Variants in PPHLN1 observed in about 807,000 individuals in gnomAD.
The protein encoded by PPHLN1 is periphilin 1.
Under a neutral mutation model 51.3 loss-of-function variants are expected in PPHLN1, and 29 were observed. The observed-to-expected ratio is 0.57, with a 90% CI of 0.42 to 0.77. PPHLN1 has a LOEUF of 0.77. PPHLN1 is among the 30% of genes least tolerant of loss of function. The probability of loss-of-function intolerance (pLI) is 0.00; values close to 1 mark genes in which losing one functional copy is unlikely to be tolerated. For synonymous variants in PPHLN1, 147 were observed against 147.8 expected (o/e 0.99, Z 0.04); for missense variants, 436 against 438.4 (o/e 0.99, Z 0.05).
At chr12:42,368,418 A>C (rs2075483881) in intron 4 of PPHLN1, among the ~76,000 whole-genome samples, 1 of 152,234 alleles carries the variant, frequency 6.6e-6, no homozygotes, top group Non-Finnish European at 1.5e-5. Flanking sequence ...AAATGAGATA[A>C]CTGATGATGA....
At chr12:42,406,369 C>T (rs11181484) in intron 9 of PPHLN1, among the ~76,000 whole-genome samples, 42,631 of 152,116 alleles carry the variant, frequency 0.28, 7,339 homozygotes, top group Non-Finnish European at 0.38. Context: ...CGTGAGCCAC[C>T]GTGCCCGGCC....
chr12:42,411,561 C>A (rs1030215976), intron 9 of PPHLN1, among the ~76,000 whole-genome samples: 3 of 152,180 alleles, frequency 2.0e-5, no homozygotes, highest in Non-Finnish European at 4.4e-5. Context: ...GAGAAGAAGT[C>A]TGAGATTTTA....
chr12:42,345,662 AAGC>A (rs1358944221), intron 2 of PPHLN1, among the ~76,000 whole-genome samples: 1 of 151,246 alleles, frequency 6.6e-6, no homozygotes, highest in Admixed American at 6.6e-5. Flanking sequence ...TAATAAATAG[AAGC>A]AGTGAAAATT....
At chr12:42,377,523 C>T (rs895025566) in intron 5 of PPHLN1, among the ~76,000 whole-genome samples, 2 of 151,992 alleles carry the variant, frequency 1.3e-5, no homozygotes, top group African/African-American at 2.4e-5. Flanking sequence ...AAGCTGGTCT[C>T]GAGCTCCTGA....
At chr12:42,347,146 C>T (rs2072466458) in intron 2 of PPHLN1, 1 of 152,224 alleles carries the variant, frequency 6.6e-6, no homozygotes, top group Non-Finnish European at 1.5e-5. Flanking sequence ...CAGCTATTGG[C>T]TACTGTTCTC....
chr12:42,398,758 C>G (rs1592721598), intron 8 of PPHLN1, 96 bp from the exon 9 acceptor site: 1 of 1,050,332 alleles, frequency 9.5e-7, no homozygotes, highest in East Asian at 2.6e-5. Context: ...AAATCTAGCA[C>G]TTAATATAAT....
downstream of PPHLN1, chr12:42,445,196 T>C (rs564231843): frequency 1.4e-6 from 1 of 696,190 alleles, no homozygotes; most frequent in South Asian, 1.5e-5. Context: ...CACTGGCTTA[T>C]GGCAATGATC....
intron 9 of PPHLN1, among the ~76,000 whole-genome samples, chr12:42,402,865 T>G (rs1292714762): frequency 6.6e-6 from 1 of 152,212 alleles, no homozygotes; most frequent in Non-Finnish European, 1.5e-5. Context: ...CCATTTTCTC[T>G]TCTTACAGTG....
chr12:42,423,413 T>A (rs2081170162), intron 9 of PPHLN1, among the ~76,000 whole-genome samples: 1 of 152,184 alleles, frequency 6.6e-6, no homozygotes, highest in South Asian at 2.1e-4. Flanking sequence ...AACTGTGCTA[T>A]TTATATTAGT....
rs60131845 is a variant in PPHLN1, at chr12:42,396,615, C to CAAAAAAAAA, written c.769-2214_769-2206dup. ...GCAATGTAGTAAGGTCTTGTCACTA[C>CAAAAAAAAA]AAAAAAAAAAAAAAAAAAAAAAAAA... On this transcript the variant is annotated intron_variant, in intron 8 of 9. Transcript: ENST00000358314. Among the ~76,000 whole-genome samples, 236 of 85,386 alleles carry CAAAAAAAAA rather than the reference C, an allele frequency of 2.8e-3. 23 individuals carry two copies. Among genetic ancestry groups the CAAAAAAAAA allele is most frequent in the East Asian group, 0.01 (24 of 2,320 alleles). The allele number at this position is 85,386 out of a possible 152,430, so 56.0% of individuals were successfully genotyped here. A position where few individuals can be genotyped will look rare whatever the true frequency, so the allele number is the denominator to read the frequency against.
intron 2 of PPHLN1, 37 bp from the exon 3 acceptor site, chr12:42,351,848 T>G: frequency 6.6e-7 from 1 of 1,506,476 alleles, no homozygotes; most frequent in Non-Finnish European, 8.8e-7. Context: ...AATAGAGAAA[T>G]TAGTCATTTG....
At chr12:42,413,524 ATATGTGTGTGTGTG>A (rs1450428936) in intron 9 of PPHLN1, among the ~76,000 whole-genome samples, 20 of 119,012 alleles carry the variant, frequency 1.7e-4, no homozygotes, top group South Asian at 2.8e-4. Flanking sequence ...ATATATATGT[ATATGTGTGTGTGTG>A]TGTGTGTGTG....
chr12:42,390,821 T>G (rs1565914115), intron 7 of PPHLN1, among the ~76,000 whole-genome samples: 1 of 148,930 alleles, frequency 6.7e-6, no homozygotes, highest in Non-Finnish European at 1.5e-5. Flanking sequence ...CCGTGAAGTT[T>G]TTTTTTTTTT....
intron 9 of PPHLN1, among the ~76,000 whole-genome samples, chr12:42,416,847 A>T (rs2708074): frequency 0.96 from 146,767 of 152,278 alleles, 70,987 homozygotes; most frequent in Middle Eastern, 1. Flanking sequence ...CTGAATTTTG[A>T]AGGTAGAATA....
At chr12:42,331,750 G>T (rs748634551) in intron 1 of PPHLN1, 10 of 152,156 alleles carry the variant, frequency 6.6e-5, no homozygotes, top group Non-Finnish European at 1.2e-4. Flanking sequence ...CTATTGTTCT[G>T]TTGATTCTTC....
intron 9 of PPHLN1, chr12:42,433,419 T>G: frequency 2.3e-5 from 7 of 307,936 alleles, no homozygotes; most frequent in African/African-American, 4.5e-5. Context: ...GCCTCCCGGG[T>G]TCATGCCATT....
chr12:42,430,290 C>G (rs1350305086), intron 9 of PPHLN1, among the ~76,000 whole-genome samples: 1 of 152,024 alleles, frequency 6.6e-6, no homozygotes, highest in African/African-American at 2.4e-5. Context: ...CACACACACA[C>G]ACACACCCTT....
intron 2 of PPHLN1, among the ~76,000 whole-genome samples, chr12:42,337,983 C>T (rs928905783): frequency 2.6e-5 from 4 of 151,964 alleles, no homozygotes; most frequent in Admixed American, 2.0e-4. Flanking sequence ...GGGGTTTCAC[C>T]GTGTTGGCCA....
chr12:42,393,779 A>G (rs767647902), intron 8 of PPHLN1, 90 bp downstream of exon 8: 3 of 1,251,322 alleles, frequency 2.4e-6, no homozygotes, highest in Non-Finnish European at 2.2e-6. Flanking sequence ...TTATTCCTAT[A>G]CTTCAAAATA....
Sources: gnomAD v4.1 joint callset for allele counts (sites outside exome capture counted in the v4.1 genomes callset) on GRCh38, gnomAD v4.1.1 for gene constraint, MANE v1.5 for transcripts, NCBI Gene and HGNC (gene_info 2026-07-23, HGNC 2026-07-21) for gene names.